The following SYTL4 variants were observed in gnomAD, a reference collection of about 807,000 sequenced individuals.
SYTL4 encodes synaptotagmin-like protein 4.
A neutral mutation model predicts 52.7 loss-of-function variants in SYTL4; 16 were observed. The observed-to-expected ratio is 0.30, with a 90% confidence interval of 0.21 to 0.46. The LOEUF (loss-of-function observed/expected upper bound fraction) is 0.46, where lower values mean the gene tolerates loss of function less well. SYTL4 is among the 20% of genes least tolerant of loss of function. The pLI, the probability that SYTL4 is intolerant of heterozygous loss-of-function variation, is 1.00. For synonymous variants in SYTL4, 160 were observed against 186.6 expected (o/e 0.86, Z 1.16); for missense variants, 423 against 519.9 (o/e 0.81, Z 1.81).
At position 100,674,885 on chromosome X, in the gene SYTL4, T is replaced by C. The variant is rs1398686905; in HGVS notation, c.*1143A>G. The stretch of plus-strand genomic sequence containing the variant: ...CTCAACACACTACACCCATGTAATA[T>C]GTAGGTCAAATTTAGGAAACAATAG... On this transcript the variant is annotated 3_prime_UTR_variant, in exon 20 of 20. Coordinates refer to ENST00000372989, the MANE Select transcript of SYTL4 (RefSeq NM_001370165.1). 1.8e-5 allele frequency: 2 copies of C among 111,547 alleles called. No homozygotes were observed. Among genetic ancestry groups the C allele is most frequent in the Admixed American group, 9.5e-5 (1 of 10,508 alleles). 9.2% of individuals were successfully genotyped at this position (111,547 alleles called of 1,213,427 possible).
chrX:100,696,465 A>AT (rs758037690), intron 8 of SYTL4, among the ~76,000 whole-genome samples: 1 of 111,767 alleles, frequency 8.9e-6, no homozygotes, highest in Non-Finnish European at 1.9e-5. Context: ...TCTTATTGTG[A>AT]TTTTTAGGTC....
At chrX:100,705,350 A>G (rs1360236328) in intron 2 of SYTL4, among the ~76,000 whole-genome samples, 2 of 112,002 alleles carry the variant, frequency 1.8e-5, no homozygotes, top group Non-Finnish European at 3.8e-5. Flanking sequence ...AACTTGCCCA[A>G]GAATAAAGAG....
rs180699860 is a variant in SYTL4 at position 100,704,917 on chromosome X, G to A, written c.-239-31C>T. On this transcript the variant is annotated intron_variant, in intron 2 of 19. Transcript: ENST00000372989. ...AAACAGTGGAGAACATAAACAACACGGCAAAGCTATACAGGTTCCTGAAAC... is the reference window on the plus strand; with the variant it reads ...AAACAGTGGAGAACATAAACAACACAGCAAAGCTATACAGGTTCCTGAAAC... The A allele has an allele frequency of 2.2e-4, 25 of 111,569 alleles. No homozygotes were observed. The Admixed American group carries it at 2.4e-3, about 11-fold the overall frequency. 9.2% of individuals were successfully genotyped at this position (111,569 alleles called of 1,213,427 possible). A position where few individuals can be genotyped will look rare whatever the true frequency, so the allele number is the denominator to read the frequency against.
chrX:100,713,197 C>A (rs893160630), intron 2 of SYTL4, among the ~76,000 whole-genome samples: 9 of 112,486 alleles, frequency 8.0e-5, no homozygotes, highest in Non-Finnish European at 7.5e-5. Flanking sequence ...ACAATCCCAG[C>A]ACTTTGGGAG....
intron 8 of SYTL4, among the ~76,000 whole-genome samples, chrX:100,699,724 G>A (rs1169941663): frequency 2.0e-5 from 2 of 98,500 alleles, no homozygotes; most frequent in African/African-American, 3.8e-5. Flanking sequence ...TCGATCTCCT[G>A]ACTTCATGAT....
Position 100,675,253 on chromosome X carries a change from C to T in SYTL4, c.*775G>A, listed in dbSNP as rs1441968988. The T allele has an allele frequency of 2.7e-5, 3 of 112,742 alleles. No homozygotes were observed. Among genetic ancestry groups the T allele is most frequent in the Non-Finnish European group, 5.6e-5 (3 of 53,316 alleles). The allele number at this position is 112,742 out of a possible 1,213,427, so 9.3% of individuals were successfully genotyped here. ...CACTTTACCCTCAGTCACTCTGGTC[C>T]TCTGAGATCAGCTAGAAGCTCTCAC... On this transcript the variant is annotated 3_prime_UTR_variant, in exon 20 of 20. Coordinates refer to ENST00000372989, the MANE Select transcript of SYTL4 (RefSeq NM_001370165.1).
At chrX:100,683,825 A>G (rs1325560550) in intron 16 of SYTL4, among the ~76,000 whole-genome samples, 3 of 112,166 alleles carry the variant, frequency 2.7e-5, no homozygotes, top group Non-Finnish European at 3.8e-5. Context: ...AGAAACTGGC[A>G]TATTTGTTTT....
chrX:100,729,284 A>AT (rs762385855), intron 2 of SYTL4, among the ~76,000 whole-genome samples: 1 of 111,400 alleles, frequency 9.0e-6, no homozygotes, highest in Non-Finnish European at 1.9e-5. Flanking sequence ...TGCACCTATG[A>AT]TGTACCAAGG....
chrX:100,680,796 T>G (rs1462273322), intron 17 of SYTL4, among the ~76,000 whole-genome samples: 1 of 111,577 alleles, frequency 9.0e-6, no homozygotes, highest in African/African-American at 3.3e-5. Flanking sequence ...TGCAAAAACT[T>G]AAGCTCCTCA....
chrX:100,690,023 C>G (rs2083562435), intron 11 of SYTL4, 52 bp downstream of exon 11: 1 of 1,161,776 alleles, frequency 8.6e-7, no homozygotes, highest in East Asian at 3.0e-5. Flanking sequence ...AAGAGCCCAT[C>G]AAGGGTACTC....
intron 2 of SYTL4, among the ~76,000 whole-genome samples, chrX:100,728,905 C>T (rs1382170092): frequency 9.1e-6 from 1 of 109,832 alleles, no homozygotes; most frequent in Non-Finnish European, 1.9e-5. Flanking sequence ...GGCATGGTGG[C>T]GGGCGCCTGT....
At chrX:100,716,156 AAG>A (rs907188390) in intron 2 of SYTL4, among the ~76,000 whole-genome samples, 13 of 108,364 alleles carry the variant, frequency 1.2e-4, no homozygotes, top group Non-Finnish European at 2.3e-4. Flanking sequence ...CTAAAGGTAA[AAG>A]AGTTGATTTG....
intron 8 of SYTL4, among the ~76,000 whole-genome samples, chrX:100,699,482 C>CTTTTTTTTTTTT (rs1181762978): frequency 1.7e-5 from 1 of 59,892 alleles, no homozygotes; most frequent in African/African-American, 9.7e-5. Context: ...CAGCATTACT[C>CTTTTTTTTTTTT]TTTTTTTTTT....
intron 16 of SYTL4, chrX:100,685,434 T>C (rs1296602914): frequency 2.7e-5 from 3 of 112,344 alleles, no homozygotes; most frequent in Non-Finnish European, 5.6e-5. Context: ...TGTAGTTAAG[T>C]GACTCATCTA....
chrX:100,695,265 T>C (rs1247543140), intron 8 of SYTL4, among the ~76,000 whole-genome samples: 2 of 111,756 alleles, frequency 1.8e-5, no homozygotes, highest in Non-Finnish European at 1.9e-5. Context: ...TCACTTATCC[T>C]GCTTTCTTTT....
At position 100,701,690 on chromosome X, in the gene SYTL4, C is replaced by G. The variant is rs2083855001; in HGVS notation, c.111-17G>C. On this transcript the variant is annotated splice_polypyrimidine_tract_variant and intron_variant, in intron 5 of 19. Transcript: ENST00000372989. ...TTTAGTCGCCTGCCAAGACCCAAAA[C>G]AGAAGCGTAAGTGGATTCAGGATAT... is the stretch of plus-strand genomic sequence containing the variant. 1.7e-6 allele frequency: 2 copies of G among 1,193,566 alleles called. No homozygotes were observed. The highest frequency in any genetic ancestry group is 3.5e-5 in the South Asian group (2 of 56,479).
At chrX:100,685,281 A>G (rs2083454713) in intron 16 of SYTL4, 1 of 112,128 alleles carries the variant, frequency 8.9e-6, no homozygotes, top group African/African-American at 3.2e-5. Flanking sequence ...ATGTAAAACC[A>G]TCCCACATTT....
At chrX:100,699,842 C>T (rs1425750997) in intron 8 of SYTL4, among the ~76,000 whole-genome samples, 1 of 109,889 alleles carries the variant, frequency 9.1e-6, no homozygotes, top group Admixed American at 9.7e-5. Flanking sequence ...AAATGTTCTT[C>T]AACAGATGAA....
intron 8 of SYTL4, among the ~76,000 whole-genome samples, chrX:100,698,328 C>T (rs1179894175): frequency 9.0e-6 from 1 of 111,238 alleles, no homozygotes; most frequent in Non-Finnish European, 1.9e-5. Flanking sequence ...TGGTCTCGAT[C>T]TCCTGACCTT....
Sources: allele counts gnomAD v4.1 joint callset (sites outside exome capture counted in the v4.1 genomes callset), GRCh38; gene constraint gnomAD v4.1.1; transcripts MANE v1.5; gene names NCBI Gene and HGNC (gene_info 2026-07-23, HGNC 2026-07-21).